Variants in GRIP2 observed in about 807,000 individuals in gnomAD.
GRIP2 encodes the protein glutamate receptor-interacting protein 2.
Under a neutral mutation model 108.3 loss-of-function variants are expected in GRIP2, and 58 were observed. The ratio of observed to expected loss-of-function variants is 0.54; its 90% confidence interval spans 0.43 to 0.67. The LOEUF is 0.67. Ranked by LOEUF, GRIP2 falls within the 30% of genes least tolerant of loss-of-function variation. GRIP2 has a pLI of 0.00. For missense variants in GRIP2, 1,278 were observed against 1,430.6 expected (o/e 0.89, Z 1.72); for synonymous variants, 586 against 598.2 (o/e 0.98, Z 0.30).
At chr3:14,586,527 C>A in the GRIP2 span, among the ~76,000 whole-genome samples, 1 of 152,128 alleles carries the variant, frequency 6.6e-6, no homozygotes, top group African/African-American at 2.4e-5. Flanking sequence ...AGGCTGGTTC[C>A]CTGAATCAAA....
At chr3:14,574,176 T>C in the GRIP2 span, 5 of 886,948 alleles carry the variant, frequency 5.6e-6, no homozygotes, top group Non-Finnish European at 7.7e-6. Flanking sequence ...GACGAGCAAG[T>C]GCACGAAGGT....
Position 14,493,362 on chromosome 3 carries a change from C to CA in GRIP2, c.*302dup, listed in dbSNP as rs1463533867. 2.8e-6 allele frequency: 1 copy of CA among 360,854 alleles called. No individual in the cohort carries two copies. The highest frequency in any genetic ancestry group is 2.1e-5 in the African/African-American group (1 of 47,718). 22.4% of individuals were successfully genotyped at this position (360,854 alleles called of 1,614,324 possible). A position where few individuals can be genotyped will look rare whatever the true frequency, so the allele number is the denominator to read the frequency against. ...CCCCACAGAGACCTGGGACAGCCCC[C>CA]AGGCCTCTCTCCTCTCGGCTGAGCA... On this transcript the variant is annotated 3_prime_UTR_variant, in exon 24 of 24. Transcript: ENST00000621039.
chr3:14,508,250 G>A (rs996165133), intron 17 of GRIP2, among the ~76,000 whole-genome samples: 1 of 152,228 alleles, frequency 6.6e-6, no homozygotes, highest in Non-Finnish European at 1.5e-5. Flanking sequence ...GGTGATGCCA[G>A]GCGGCAGCAC....
At chr3:14,572,648 A>T in the GRIP2 span, among the ~76,000 whole-genome samples, 1 of 150,348 alleles carries the variant, frequency 6.7e-6, no homozygotes, top group Admixed American at 6.6e-5. Context: ...AAGCTAGAAG[A>T]TTATCACAGG....
chr3:14,493,003 G>C lies in GRIP2; in HGVS notation c.*662C>G, dbSNP rs1446367749. On this transcript the variant is annotated 3_prime_UTR_variant, in exon 24 of 24. Coordinates refer to ENST00000621039, the MANE Select transcript of GRIP2 (RefSeq NM_001080423.4). ...CCCAACTTAAGAGTCTCATAAGTGGGGACCAGATTCTGGGAATCTCAGAAT... is the reference window on the plus strand; with the variant it reads ...CCCAACTTAAGAGTCTCATAAGTGGCGACCAGATTCTGGGAATCTCAGAAT... 1 of 152,210 alleles carries C rather than the reference G, an allele frequency of 6.6e-6. No homozygotes were observed. Among genetic ancestry groups the C allele is most frequent in the Non-Finnish European group, 1.5e-5 (1 of 68,042 alleles). 9.4% of individuals were successfully genotyped at this position (152,210 alleles called of 1,614,324 possible).
At chr3:14,531,001 C>A (rs1290928072) in intron 1 of GRIP2, 5 of 152,170 alleles carry the variant, frequency 3.3e-5, no homozygotes, top group African/African-American at 9.7e-5. Context: ...GAAGACTTCA[C>A]AAATTTGTGT....
intron 1 of GRIP2, among the ~76,000 whole-genome samples, chr3:14,530,163 G>A (rs1027699131): frequency 5.3e-5 from 8 of 152,196 alleles, no homozygotes; most frequent in African/African-American, 1.7e-4. Context: ...CCTGATAGAC[G>A]GGTGAATATT....
chr3:14,573,289 A>G, the GRIP2 span: 1 of 1,421,558 alleles, frequency 7.0e-7, no homozygotes. Flanking sequence ...TACAGCAGGA[A>G]GATGGCACTG....
chr3:14,573,742 A>T, the GRIP2 span: 23 of 1,474,700 alleles, frequency 1.6e-5, no homozygotes, highest in Non-Finnish European at 2.2e-5. Flanking sequence ...TCCTCCCAAG[A>T]GGGCTCATCA....
At chr3:14,508,667 T>C (rs536224611) in intron 17 of GRIP2, among the ~76,000 whole-genome samples, 2 of 152,122 alleles carry the variant, frequency 1.3e-5, no homozygotes, top group South Asian at 4.2e-4. Context: ...CAGCCACAGG[T>C]GGCTGCTGAG....
upstream of GRIP2, among the ~76,000 whole-genome samples, chr3:14,543,168 G>A (rs1695005045): frequency 6.6e-6 from 1 of 152,238 alleles, no homozygotes; most frequent in African/African-American, 2.4e-5. Flanking sequence ...GATACAGCCA[G>A]GCCTGGGGTG....
chr3:14,597,338 C>T, the GRIP2 span, among the ~76,000 whole-genome samples: 1 of 152,136 alleles, frequency 6.6e-6, no homozygotes, highest in Non-Finnish European at 1.5e-5. Context: ...GAAAAAAAAT[C>T]CCCATTAGGA....
In GRIP2 at chr3:14,520,434, T is replaced by A. The variant is rs999314944; in HGVS notation, c.816A>T (p.Ser272=). ...GCTTGATGCGGTCGATGGTAATGAC[T>A]GACTTGTTCCGGAGGGAGGTGGTGG... is the stretch of plus-strand genomic sequence containing the variant. The part of the protein sequence containing the change: ...SLTTTSLRNK[S]VITIDRIKPA... The change falls in exon 8 of 24, where the codon TCA becomes TCT. Residue 272 remains serine, a synonymous_variant. Transcript: ENST00000621039. 6.2e-7 allele frequency: 1 copy of A among 1,613,700 alleles called. No individual in the cohort carries two copies. Among genetic ancestry groups the A allele is most frequent in the Non-Finnish European group, 8.5e-7 (1 of 1,179,800 alleles).
rs374771908 is a variant in GRIP2 at position 14,512,852 on chromosome 3, C to T, written c.1645G>A (p.Val549Ile). The change falls in exon 14 of 24, where the codon GTC (valine) becomes ATC (isoleucine). Residue 549 changes from valine to isoleucine, a missense_variant. By Grantham distance (29) the Val-to-Ile change is conservative. Transcript: ENST00000621039. This position sits in a 1 kb window ranked among gnomAD's most constrained non-coding sequence, Gnocchi z 5.1. ...LEVEFDVAES[V>I]IPSSGTFHVK... is the part of the protein sequence containing the mutation. ...TGGAAGGTGCCACTGCTTGGGATGA[C>T]GGACTCTGGGGGTAGATGGACATAA... is the stretch of plus-strand genomic sequence containing the variant. 1.0e-4 allele frequency: 165 copies of T among 1,613,536 alleles called. No homozygotes were observed. The highest frequency in any genetic ancestry group is 3.0e-4 in the Admixed American group (18 of 59,986).
At chr3:14,556,919 C>A (rs1695245146), upstream of GRIP2, among the ~76,000 whole-genome samples, 1 of 152,214 alleles carries the variant, frequency 6.6e-6, no homozygotes, top group Non-Finnish European at 1.5e-5. Flanking sequence ...TGCCCTCTCT[C>A]TACCAAGGCA....
the GRIP2 span, among the ~76,000 whole-genome samples, chr3:14,569,811 CA>C: frequency 1.3e-5 from 2 of 152,186 alleles, no homozygotes; most frequent in Non-Finnish European, 2.9e-5. Context: ...CTTCAAGGAC[CA>C]CCACTTGCCA....
At chr3:14,509,128 C>CT (rs1694011860) in intron 17 of GRIP2, among the ~76,000 whole-genome samples, 1 of 152,190 alleles carries the variant, frequency 6.6e-6, no homozygotes, top group Non-Finnish European at 1.5e-5. Flanking sequence ...CTCCCATCCT[C>CT]TCCCCACCCG....
At chr3:14,599,311 C>T in the GRIP2 span, among the ~76,000 whole-genome samples, 2 of 152,200 alleles carry the variant, frequency 1.3e-5, no homozygotes, top group Non-Finnish European at 2.9e-5. Flanking sequence ...CTATTAGAGA[C>T]AGAAAGGGCC....
chr3:14,535,496 G>C (rs1440399892), intron 1 of GRIP2, among the ~76,000 whole-genome samples: 8 of 152,180 alleles, frequency 5.3e-5, no homozygotes. Flanking sequence ...CATGATGATG[G>C]CTCCTAGTGA....
Sources: gnomAD v4.1 joint callset for allele counts (sites outside exome capture counted in the v4.1 genomes callset) on GRCh38, gnomAD v4.1.1 for gene constraint, Gnocchi (gnomAD v3.1) non-coding constraint, MANE v1.5 for transcripts, NCBI Gene and HGNC (gene_info 2026-07-23, HGNC 2026-07-21) for gene names.